MAPK8: variants seen among roughly 807,000 people sequenced by gnomAD.
MAPK8 encodes the protein mitogen-activated protein kinase 8.
Under a neutral mutation model 52.9 loss-of-function variants are expected in MAPK8, and 13 were observed. The observed-to-expected ratio is 0.25, with a 90% confidence interval of 0.16 to 0.39. MAPK8 has a LOEUF of 0.39. MAPK8 is among the 10% of genes least tolerant of loss of function. MAPK8 has a pLI of 1.00. For missense variants in MAPK8, 300 were observed against 519.2 expected, an observed-to-expected ratio of 0.58 and a Z score of 4.10; for synonymous variants, 191 against 169.8, an observed-to-expected ratio of 1.12 and a Z score of -0.97.
chr10:48,357,058 C>T (rs1052168779), intron 1 of MAPK8, among the ~76,000 whole-genome samples: 3 of 151,862 alleles, frequency 2.0e-5, no homozygotes, highest in Non-Finnish European at 2.9e-5. Flanking sequence ...TTGTAAATTC[C>T]ACATATTTAA....
chr10:48,405,208 C>A (rs2042398312), intron 3 of MAPK8, among the ~76,000 whole-genome samples: 2 of 151,640 alleles, frequency 1.3e-5, no homozygotes, highest in African/African-American at 4.8e-5. Context: ...GATTTCCTGT[C>A]ATTTAATTTA....
chr10:48,312,527 C>T (rs1188349428), intron 1 of MAPK8, among the ~76,000 whole-genome samples: 2 of 152,178 alleles, frequency 1.3e-5, no homozygotes, highest in African/African-American at 4.8e-5. Flanking sequence ...CACACAAGCA[C>T]TTGCTTTGCT....
chr10:48,313,260 C>T (rs1842149674), intron 1 of MAPK8, among the ~76,000 whole-genome samples: 1 of 152,120 alleles, frequency 6.6e-6, no homozygotes, highest in Non-Finnish European at 1.5e-5. Flanking sequence ...TAGTGATACC[C>T]CGTCTATACT....
intron 1 of MAPK8, among the ~76,000 whole-genome samples, chr10:48,360,040 A>G (rs942353101): frequency 6.6e-6 from 1 of 152,144 alleles, no homozygotes; most frequent in Non-Finnish European, 1.5e-5. Context: ...GGCAGCATGC[A>G]CCTGTAATCC....
At chr10:48,341,662 A>G (rs765851696) in intron 1 of MAPK8, among the ~76,000 whole-genome samples, 6 of 152,236 alleles carry the variant, frequency 3.9e-5, no homozygotes, top group African/African-American at 1.4e-4. Context: ...AGCATTACCT[A>G]TCTTCTTGGA....
chr10:48,348,174 G>C (rs1304261860), intron 1 of MAPK8, among the ~76,000 whole-genome samples: 1 of 152,164 alleles, frequency 6.6e-6, no homozygotes, highest in Non-Finnish European at 1.5e-5. Flanking sequence ...GTGTTTGTTG[G>C]CTGCATAAAT....
chr10:48,413,858 T>TATAACA (rs1444968579), intron 5 of MAPK8, among the ~76,000 whole-genome samples: 3 of 133,648 alleles, frequency 2.2e-5, no homozygotes, highest in Non-Finnish European at 4.9e-5. Context: ...TATATATATA[T>TATAACA]ATTCAGAAAT....
chr10:48,378,474 A>G (rs577608716), intron 1 of MAPK8, among the ~76,000 whole-genome samples: 1 of 152,236 alleles, frequency 6.6e-6, no homozygotes, highest in Non-Finnish European at 1.5e-5. Flanking sequence ...ACAATCAAAA[A>G]GTGAATTTAC....
At chr10:48,373,605 G>A (rs1443229432) in intron 1 of MAPK8, among the ~76,000 whole-genome samples, 3 of 122,564 alleles carry the variant, frequency 2.4e-5, no homozygotes, top group African/African-American at 1.3e-4. Context: ...AAAAGCCAGG[G>A]TTGCAATCCT....
intron 1 of MAPK8, among the ~76,000 whole-genome samples, chr10:48,324,171 T>C (rs1283943272): frequency 6.6e-6 from 1 of 152,246 alleles, no homozygotes; most frequent in Admixed American, 6.5e-5. Context: ...CTCTTACATA[T>C]GTCATACTTA....
chr10:48,384,086 T>C (rs1477206951), intron 1 of MAPK8, among the ~76,000 whole-genome samples: 1 of 152,142 alleles, frequency 6.6e-6, no homozygotes, highest in East Asian at 1.9e-4. Flanking sequence ...ATCCCGTCTC[T>C]ACTAAAAATA....
chr10:48,377,690 G>C (rs957172176), intron 1 of MAPK8, among the ~76,000 whole-genome samples: 1 of 152,108 alleles, frequency 6.6e-6, no homozygotes, highest in African/African-American at 2.4e-5. Flanking sequence ...AAAGGAACCT[G>C]GGTCCTTGGA....
intron 1 of MAPK8, among the ~76,000 whole-genome samples, chr10:48,386,514 T>G (rs765912469): frequency 3.9e-5 from 6 of 152,224 alleles, no homozygotes; most frequent in Non-Finnish European, 8.8e-5. Context: ...CTACATGCAG[T>G]TGAGCAAGCC....
intron 10 of MAPK8, 192 bp downstream of exon 10, chr10:48,427,335 C>G: frequency 2.1e-6 from 1 of 473,080 alleles, no homozygotes; most frequent in East Asian, 3.9e-5. Flanking sequence ...CCAAGTTTCC[C>G]ACCCCAGACA....
intron 1 of MAPK8, among the ~76,000 whole-genome samples, chr10:48,395,160 A>G (rs1394701177): frequency 2.0e-5 from 3 of 151,986 alleles, no homozygotes; most frequent in Admixed American, 2.0e-4. Flanking sequence ...TGACAAGCTT[A>G]GTTCTGATAT....
At position 48,438,921 on chromosome 10, in the gene MAPK8, A is replaced by G. The variant is rs1339264969; in HGVS notation, c.*3892A>G. The stretch of plus-strand genomic sequence containing the variant: ...AGTAAATCTTAGTAAAAATTTTACG[A>G]AGAAATAAATTACTTTTGTAGGCCC... On this transcript the variant is annotated 3_prime_UTR_variant, in exon 12 of 12. Transcript: ENST00000374189. The G allele has an allele frequency of 6.6e-6, 1 of 152,250 alleles. No individual in the cohort carries two copies. Among genetic ancestry groups the G allele is most frequent in the Non-Finnish European group, 1.5e-5 (1 of 68,036 alleles). The allele number at this position is 152,250 out of a possible 1,614,324, so 9.4% of individuals were successfully genotyped here. A position where few individuals can be genotyped will look rare whatever the true frequency, so the allele number is the denominator to read the frequency against.
intron 1 of MAPK8, among the ~76,000 whole-genome samples, chr10:48,393,791 A>G (rs2041749546): frequency 6.6e-6 from 1 of 152,090 alleles, no homozygotes; most frequent in Non-Finnish European, 1.5e-5. Context: ...TAAAAGAAAG[A>G]ATAGCTCCAA....
chr10:48,395,941 A>G (rs1292027021), intron 1 of MAPK8, among the ~76,000 whole-genome samples: 3 of 152,100 alleles, frequency 2.0e-5, no homozygotes, highest in Non-Finnish European at 4.4e-5. Context: ...AAAGAAATAA[A>G]CTTTGACTTA....
intron 1 of MAPK8, among the ~76,000 whole-genome samples, chr10:48,348,091 C>G (rs529299396): frequency 6.6e-6 from 1 of 152,242 alleles, no homozygotes; most frequent in African/African-American, 2.4e-5. Context: ...GCCATTCTAA[C>G]TGGCGTGAAA....
Sources: gnomAD v4.1 joint callset for allele counts (sites outside exome capture counted in the v4.1 genomes callset) on GRCh38, gnomAD v4.1.1 for gene constraint, MANE v1.5 for transcripts, NCBI Gene and HGNC (gene_info 2026-07-23, HGNC 2026-07-21) for gene names.